ELAVL2: variants seen among roughly 807,000 people sequenced by gnomAD.
ELAVL2 encodes the protein ELAV-like protein 2.
Under a neutral mutation model 34.6 loss-of-function variants are expected in ELAVL2, and 4 were observed. The ratio of observed to expected loss-of-function variants is 0.12; its 90% CI spans 0.06 to 0.26. The LOEUF is 0.26. Ranked by LOEUF, ELAVL2 falls within the 10% of genes least tolerant of loss-of-function variation. The pLI is 1.00. For missense variants in ELAVL2, 432 were observed against 442.8 expected, an observed-to-expected ratio of 0.98 and a Z score of 0.22; for synonymous variants, 193 against 154.8, an observed-to-expected ratio of 1.25 and a Z score of -1.83.
rs369019141 is a variant in ELAVL2, at chr9:23,691,190, C to A, written c.*1367G>T. On this transcript the variant is annotated 3_prime_UTR_variant, in exon 7 of 7. Transcript: ENST00000397312. ...AAGACCTCAAGTAACAATGTTAATG[C>A]CATTTACAAAGGAAAAAACTGATAC... 1 of 152,422 alleles carries A rather than the reference C, an allele frequency of 6.6e-6. No individual in the cohort carries two copies. Among genetic ancestry groups the A allele is most frequent in the Non-Finnish European group, 1.5e-5 (1 of 67,972 alleles). The allele number at this position is 152,422 out of a possible 1,614,324, so 9.4% of individuals were successfully genotyped here.
At chr9:23,700,373 G>C (rs1470553428) in intron 5 of ELAVL2, among the ~76,000 whole-genome samples, 1 of 152,180 alleles carries the variant, frequency 6.6e-6, no homozygotes, top group Non-Finnish European at 1.5e-5. Flanking sequence ...TAAAGTCACT[G>C]TTCTTCTCAC....
At chr9:23,800,014 T>G (rs1057451406) in intron 1 of ELAVL2, among the ~76,000 whole-genome samples, 1 of 152,158 alleles carries the variant, frequency 6.6e-6, no homozygotes, top group South Asian at 2.1e-4. Flanking sequence ...TGAAGAGTAT[T>G]AGAGAAACAA....
At chr9:23,754,176 C>G (rs552365845) in intron 2 of ELAVL2, among the ~76,000 whole-genome samples, 1 of 151,968 alleles carries the variant, frequency 6.6e-6, no homozygotes, top group Non-Finnish European at 1.5e-5. Context: ...GAACAAAATA[C>G]CAAGTAACAC....
intron 1 of ELAVL2, among the ~76,000 whole-genome samples, chr9:23,778,808 G>C (rs2058627321): frequency 6.6e-6 from 1 of 152,098 alleles, no homozygotes; most frequent in South Asian, 2.1e-4. Context: ...AAAGCATCAA[G>C]TCTGTGTCAC....
chr9:23,781,084 A>G (rs1216561326), intron 1 of ELAVL2, among the ~76,000 whole-genome samples: 1 of 152,208 alleles, frequency 6.6e-6, no homozygotes, highest in South Asian at 2.1e-4. Flanking sequence ...AACTTCCCTC[A>G]TCTATTAAGA....
At chr9:23,727,754 G>A (rs180918254) in intron 3 of ELAVL2, among the ~76,000 whole-genome samples, 49 of 152,012 alleles carry the variant, frequency 3.2e-4, no homozygotes, top group African/African-American at 1.1e-3. Flanking sequence ...AGAGCCTGAG[G>A]GACTTCACTT....
chr9:23,695,757 T>C (rs530735218), intron 5 of ELAVL2, among the ~76,000 whole-genome samples: 12 of 152,312 alleles, frequency 7.9e-5, no homozygotes, highest in South Asian at 2.1e-4. Context: ...AGGTAATGCA[T>C]TGCACAATAT....
chr9:23,716,530 C>T (rs2042349345), intron 3 of ELAVL2, among the ~76,000 whole-genome samples: 1 of 152,120 alleles, frequency 6.6e-6, no homozygotes, highest in Non-Finnish European at 1.5e-5. Flanking sequence ...TTCACTTAAA[C>T]TGTGACTTTT....
intron 3 of ELAVL2, among the ~76,000 whole-genome samples, chr9:23,710,881 A>G (rs981270544): frequency 6.6e-6 from 1 of 152,126 alleles, no homozygotes; most frequent in Non-Finnish European, 1.5e-5. Flanking sequence ...ACCTTCCAAA[A>G]TGAGCTCAGA....
At chr9:23,764,561 A>C (rs1365956684) in intron 1 of ELAVL2, among the ~76,000 whole-genome samples, 1 of 152,202 alleles carries the variant, frequency 6.6e-6, no homozygotes, top group Non-Finnish European at 1.5e-5. Flanking sequence ...AAACTCTTTC[A>C]ACAGTTACTG....
chr9:23,777,613 A>C (rs2058423418), intron 1 of ELAVL2, among the ~76,000 whole-genome samples: 2 of 151,978 alleles, frequency 1.3e-5, no homozygotes, highest in Admixed American at 1.3e-4. Context: ...CTCCATTTCT[A>C]AAGAGCAAAA....
chr9:23,712,975 T>C (rs912583076), intron 3 of ELAVL2, among the ~76,000 whole-genome samples: 10 of 152,214 alleles, frequency 6.6e-5, no homozygotes, highest in African/African-American at 2.4e-4. Flanking sequence ...TAGACCACCT[T>C]TTTCACACAT....
chr9:23,761,276 G>A (rs2891189), intron 2 of ELAVL2, among the ~76,000 whole-genome samples: 55,830 of 151,806 alleles, frequency 0.37, 11,004 homozygotes, highest in East Asian at 0.56. Flanking sequence ...CTAACTTCAT[G>A]TATTTTTAGT....
At chr9:23,795,342 G>T (rs182638403) in intron 1 of ELAVL2, among the ~76,000 whole-genome samples, 8 of 152,066 alleles carry the variant, frequency 5.3e-5, no homozygotes, top group Admixed American at 5.2e-4. Flanking sequence ...TCAGGAGTTC[G>T]AGAACAGCGT....
At chr9:23,746,653 A>G (rs1474356463) in intron 2 of ELAVL2, among the ~76,000 whole-genome samples, 1 of 152,068 alleles carries the variant, frequency 6.6e-6, no homozygotes, top group Non-Finnish European at 1.5e-5. Flanking sequence ...AGGCAGAAAG[A>G]GAGAGGACCC....
chr9:23,761,112 C>G (rs1436057828), intron 2 of ELAVL2, among the ~76,000 whole-genome samples: 1 of 152,000 alleles, frequency 6.6e-6, no homozygotes, highest in Non-Finnish European at 1.5e-5. Flanking sequence ...CTTTAAGTAT[C>G]TTTTACTCAT....
intron 3 of ELAVL2, among the ~76,000 whole-genome samples, chr9:23,710,026 C>G (rs1463098891): frequency 6.6e-6 from 1 of 152,098 alleles, no homozygotes; most frequent in African/African-American, 2.4e-5. Context: ...GACGGGGAGG[C>G]AGTAAGTACT....
At chr9:23,714,831 C>T (rs1306343650) in intron 3 of ELAVL2, among the ~76,000 whole-genome samples, 1 of 152,088 alleles carries the variant, frequency 6.6e-6, no homozygotes, top group Non-Finnish European at 1.5e-5. Context: ...GAAGAGGCTA[C>T]ACTCTCAAGT....
At chr9:23,749,877 C>T (rs1182339734) in intron 2 of ELAVL2, among the ~76,000 whole-genome samples, 2 of 151,914 alleles carry the variant, frequency 1.3e-5, no homozygotes, top group Non-Finnish European at 2.9e-5. Flanking sequence ...GAGCAACTAA[C>T]GCTCACCCTT....
Sources: gnomAD v4.1 joint callset for allele counts (sites outside exome capture counted in the v4.1 genomes callset) on GRCh38, gnomAD v4.1.1 for gene constraint, MANE v1.5 for transcripts, NCBI Gene and HGNC (gene_info 2026-07-23, HGNC 2026-07-21) for gene names.